ULK4: variants seen among roughly 807,000 people sequenced by gnomAD.
ULK4 encodes inactive serine/threonine-protein kinase ULK4.
Under a neutral mutation model 160.6 loss-of-function variants are expected in ULK4, and 133 were observed. That is an observed-to-expected ratio of 0.83 (90% CI 0.72 to 0.96). The LOEUF (loss-of-function observed/expected upper bound fraction) is 0.96, where lower values mean the gene tolerates loss of function less well. ULK4 is among the 40% of genes least tolerant of loss of function. The pLI is 0.00. For synonymous variants in ULK4, 534 were observed against 539.8 expected (o/e 0.99, Z 0.15); for missense variants, 1,580 against 1,499.5 (o/e 1.05, Z -0.89).
chr3:41,800,981 T>C (rs1013806124), intron 19 of ULK4, among the ~76,000 whole-genome samples: 2 of 152,236 alleles, frequency 1.3e-5, no homozygotes, highest in Admixed American at 6.5e-5. Flanking sequence ...TAACATCTAA[T>C]TGAACACTGC....
At chr3:41,675,891 C>T (rs1407120504) in intron 29 of ULK4, among the ~76,000 whole-genome samples, 1 of 152,148 alleles carries the variant, frequency 6.6e-6, no homozygotes, top group Non-Finnish European at 1.5e-5. Context: ...AGAATGAATT[C>T]CTACTGTTTT....
chr3:41,743,867 T>C (rs192069553), intron 22 of ULK4, among the ~76,000 whole-genome samples: 10 of 151,900 alleles, frequency 6.6e-5, no homozygotes, highest in Admixed American at 3.9e-4. Flanking sequence ...GGTTTCATCA[T>C]GTTGGCCAGG....
intron 32 of ULK4, among the ~76,000 whole-genome samples, chr3:41,494,146 AT>A (rs1344132995): frequency 8.6e-6 from 1 of 115,750 alleles, no homozygotes; most frequent in Non-Finnish European, 1.9e-5. Flanking sequence ...TTTTAGACCA[AT>A]ATCCTTGATG....
intron 35 of ULK4, among the ~76,000 whole-genome samples, chr3:41,362,532 A>G (rs1219553079): frequency 1.3e-5 from 2 of 152,192 alleles, no homozygotes; most frequent in Non-Finnish European, 1.5e-5. Context: ...TTAAACTGTC[A>G]AGCTAAAATA....
At chr3:41,543,880 A>T (rs11129919) in intron 32 of ULK4, among the ~76,000 whole-genome samples, 77,724 of 151,924 alleles carry the variant, frequency 0.51, 19,986 homozygotes, top group Middle Eastern at 0.57. Flanking sequence ...GTTCATTTTG[A>T]TAATTTCTGT....
intron 2 of ULK4, among the ~76,000 whole-genome samples, chr3:41,939,050 G>A (rs924260785): frequency 2.6e-5 from 4 of 152,072 alleles, no homozygotes; most frequent in South Asian, 2.1e-4. Flanking sequence ...ATAGAGGAAC[G>A]AGTGTTATGT....
At chr3:41,534,216 G>C (rs1297481440) in intron 32 of ULK4, among the ~76,000 whole-genome samples, 1 of 152,184 alleles carries the variant, frequency 6.6e-6, no homozygotes, top group African/African-American at 2.4e-5. Context: ...TAAGAAATGA[G>C]TAGTTTGATT....
intron 21 of ULK4, among the ~76,000 whole-genome samples, chr3:41,762,286 C>G (rs1322766885): frequency 1.3e-5 from 2 of 152,068 alleles, no homozygotes; most frequent in South Asian, 4.2e-4. Context: ...CTCTCCCTTC[C>G]AATACCCTTC....
chr3:41,625,676 C>T (rs778592170), intron 30 of ULK4, among the ~76,000 whole-genome samples: 3 of 152,182 alleles, frequency 2.0e-5, no homozygotes, highest in Non-Finnish European at 2.9e-5. Flanking sequence ...CTTTCACTAT[C>T]GGGCTCTGTT....
intron 2 of ULK4, among the ~76,000 whole-genome samples, 188 bp downstream of exon 2, chr3:41,954,434 T>C (rs1177882994): frequency 1.3e-5 from 2 of 151,962 alleles, no homozygotes; most frequent in East Asian, 1.9e-4. Flanking sequence ...ATTAAGTTAG[T>C]CATTACTTGG....
At chr3:41,653,951 A>G (rs1052770581) in intron 30 of ULK4, among the ~76,000 whole-genome samples, 23 of 152,272 alleles carry the variant, frequency 1.5e-4, no homozygotes, top group African/African-American at 5.3e-4. Flanking sequence ...TTATAAATGT[A>G]TGCAATAAAC....
intron 1 of ULK4, among the ~76,000 whole-genome samples, chr3:41,961,385 C>A (rs912749038): frequency 6.6e-6 from 1 of 152,186 alleles, no homozygotes; most frequent in South Asian, 2.1e-4. Flanking sequence ...TGTTACTACA[C>A]GCCCTGGGGT....
At chr3:41,453,831 G>A (rs1211863370) in intron 34 of ULK4, among the ~76,000 whole-genome samples, 1 of 151,770 alleles carries the variant, frequency 6.6e-6, no homozygotes, top group Non-Finnish European at 1.5e-5. Flanking sequence ...TTCCATTTAA[G>A]GAATACTATG....
intron 32 of ULK4, among the ~76,000 whole-genome samples, chr3:41,544,528 A>G (rs529928659): frequency 6.6e-5 from 10 of 152,340 alleles, no homozygotes; most frequent in African/African-American, 2.2e-4. Context: ...TTCCCCAGGA[A>G]TAAATTAGGA....
intron 32 of ULK4, among the ~76,000 whole-genome samples, chr3:41,538,628 G>C (rs1370032177): frequency 6.6e-6 from 1 of 152,118 alleles, no homozygotes; most frequent in African/African-American, 2.4e-5. Flanking sequence ...TGCAGCTTAA[G>C]AGAGAACTGC....
intron 18 of ULK4, among the ~76,000 whole-genome samples, chr3:41,832,624 T>A (rs545524389): frequency 1.3e-5 from 2 of 152,348 alleles, no homozygotes; most frequent in South Asian, 4.1e-4. Context: ...CATGCCTATG[T>A]CCTAAATGGT....
intron 35 of ULK4, among the ~76,000 whole-genome samples, chr3:41,267,822 T>C (rs953728614): frequency 6.6e-6 from 1 of 152,204 alleles, no homozygotes; most frequent in Non-Finnish European, 1.5e-5. Context: ...TGACTAGCCA[T>C]GGTCTTCCTG....
At chr3:41,540,010 AG>A (rs2086638540) in intron 32 of ULK4, among the ~76,000 whole-genome samples, 1 of 152,168 alleles carries the variant, frequency 6.6e-6, no homozygotes, top group South Asian at 2.1e-4. Flanking sequence ...AAGAAATTTA[AG>A]GGTAGGATTT....
intron 32 of ULK4, among the ~76,000 whole-genome samples, chr3:41,498,567 CT>C (rs1181869158): frequency 1.9e-4 from 8 of 42,442 alleles, no homozygotes; most frequent in Non-Finnish European, 2.2e-4. Context: ...AGAGCTTCTT[CT>C]TTTTTTTCTT....
Sources: allele counts gnomAD v4.1 joint callset (sites outside exome capture counted in the v4.1 genomes callset), GRCh38; gene constraint gnomAD v4.1.1; transcripts MANE v1.5; gene names NCBI Gene and HGNC (gene_info 2026-07-23, HGNC 2026-07-21).